Variants in RBMS3 observed in about 807,000 individuals in gnomAD.
RBMS3 encodes the protein RNA-binding motif, single-stranded-interacting protein 3.
RBMS3 carries 27 observed loss-of-function variants against 66.8 expected under a neutral mutation model. The ratio of observed to expected loss-of-function variants is 0.40; its 90% CI spans 0.30 to 0.56. The LOEUF (loss-of-function observed/expected upper bound fraction) is 0.56, where lower values mean the gene tolerates loss of function less well. Ranked by LOEUF, RBMS3 falls within the 20% of genes least tolerant of loss-of-function variation. RBMS3 has a pLI of 0.40. For missense variants in RBMS3, 513 were observed against 549.5 expected, an observed-to-expected ratio of 0.93 and a Z score of 0.66; for synonymous variants, 188 against 183.0, an observed-to-expected ratio of 1.03 and a Z score of -0.22.
intron 4 of RBMS3, among the ~76,000 whole-genome samples, chr3:29,626,270 C>A (rs2049057975): frequency 6.6e-6 from 1 of 152,094 alleles, no homozygotes. Flanking sequence ...ATTTGGCCTA[C>A]CCCATTCTTA....
At chr3:29,870,108 G>A (rs1186253312) in intron 7 of RBMS3, among the ~76,000 whole-genome samples, 4 of 152,206 alleles carry the variant, frequency 2.6e-5, no homozygotes, top group South Asian at 4.1e-4. Context: ...TCATCACTGA[G>A]CATCAAAAGC....
intron 3 of RBMS3, among the ~76,000 whole-genome samples, chr3:29,575,543 T>C (rs1435343091): frequency 6.6e-6 from 1 of 152,152 alleles, no homozygotes. Context: ...GGTACCCTTC[T>C]CTAGGTTTGG....
intron 2 of RBMS3, among the ~76,000 whole-genome samples, chr3:29,441,929 T>C (rs2041635941): frequency 6.6e-6 from 1 of 152,188 alleles, no homozygotes. Context: ...CCAGAAGTAT[T>C]AAAAATGAAT....
At chr3:29,543,955 G>A (rs2045858266) in intron 3 of RBMS3, among the ~76,000 whole-genome samples, 1 of 151,904 alleles carries the variant, frequency 6.6e-6, no homozygotes, top group African/African-American at 2.4e-5. Flanking sequence ...AAGGAGATTG[G>A]TATCAAATAA....
intron 3 of RBMS3, among the ~76,000 whole-genome samples, chr3:29,532,818 G>A (rs2045416569): frequency 6.6e-6 from 1 of 151,998 alleles, no homozygotes; most frequent in African/African-American, 2.4e-5. Context: ...CACTGTAATG[G>A]GAAGTAATGT....
At chr3:29,914,007 C>T (rs970237587) in intron 10 of RBMS3, among the ~76,000 whole-genome samples, 11 of 151,896 alleles carry the variant, frequency 7.2e-5, no homozygotes, top group Non-Finnish European at 2.9e-5. Context: ...TTGATGGATA[C>T]TACATACACA....
intron 1 of RBMS3, among the ~76,000 whole-genome samples, chr3:29,433,154 A>C (rs1247113674): frequency 6.6e-6 from 1 of 151,752 alleles, no homozygotes; most frequent in Non-Finnish European, 1.5e-5. Flanking sequence ...CACAAAGTAC[A>C]TTTTTTTCCC....
intron 4 of RBMS3, among the ~76,000 whole-genome samples, chr3:29,679,078 T>C (rs2149257660): frequency 6.6e-6 from 1 of 152,140 alleles, no homozygotes; most frequent in Middle Eastern, 3.4e-3. Context: ...ACCTGGGAGC[T>C]TGTCAGAAAT....
At position 29,507,839 on chromosome 3, in the gene RBMS3, G is replaced by A. The variant is rs550467624; in HGVS notation, c.307+19340G>A. Reference sequence around the variant, plus strand: ...GGAATTGTATAGAAGTGATTACAAGGGTTCTTGTGTGGTGAGGTATTGATT... The same window carrying A: ...GGAATTGTATAGAAGTGATTACAAGAGTTCTTGTGTGGTGAGGTATTGATT... On this transcript the variant is annotated intron_variant, in intron 3 of 14. Transcript: ENST00000383767. Among the ~76,000 whole-genome samples, 44 of 152,112 alleles carry A rather than the reference G, an allele frequency of 2.9e-4. 1 individual carries two copies. Among genetic ancestry groups the A allele is most frequent in the Middle Eastern group, 3.4e-3 (1 of 294 alleles).
intron 3 of RBMS3, among the ~76,000 whole-genome samples, chr3:29,501,287 T>C (rs753096452): frequency 1.5e-4 from 23 of 152,210 alleles, no homozygotes; most frequent in Admixed American, 5.2e-4. Context: ...ACTAAGTACA[T>C]TCCTTTATGG....
intron 4 of RBMS3, among the ~76,000 whole-genome samples, chr3:29,601,520 T>C (rs916684221): frequency 6.6e-6 from 1 of 151,178 alleles, no homozygotes; most frequent in Non-Finnish European, 1.5e-5. Flanking sequence ...CTCAGTATGA[T>C]GAAGTGATAT....
intron 4 of RBMS3, among the ~76,000 whole-genome samples, chr3:29,618,965 A>G (rs1318998262): frequency 6.6e-6 from 1 of 152,170 alleles, no homozygotes; most frequent in African/African-American, 2.4e-5. Context: ...AGAATTATTC[A>G]GAGAAAACAT....
intron 1 of RBMS3, among the ~76,000 whole-genome samples, chr3:29,361,335 G>C (rs1327159197): frequency 2.0e-5 from 3 of 150,910 alleles, no homozygotes; most frequent in African/African-American, 7.5e-5. Context: ...ATGAAATTCT[G>C]GGTTGAAAAT....
intron 6 of RBMS3, among the ~76,000 whole-genome samples, chr3:29,847,902 C>T (rs2058828672): frequency 6.6e-6 from 1 of 152,122 alleles, no homozygotes. Flanking sequence ...GTGATCCGCC[C>T]GCCTCGGCCT....
chr3:29,612,788 A>T (rs2048536379), intron 4 of RBMS3, among the ~76,000 whole-genome samples: 1 of 152,172 alleles, frequency 6.6e-6, no homozygotes, highest in African/African-American at 2.4e-5. Flanking sequence ...GTAGTCACAC[A>T]TCATAAACCA....
chr3:29,548,817 C>T (rs886508434), intron 3 of RBMS3, among the ~76,000 whole-genome samples: 5 of 151,704 alleles, frequency 3.3e-5, no homozygotes, highest in Admixed American at 6.6e-5. Flanking sequence ...ACTCTTAACC[C>T]AATATTTCTA....
chr3:29,915,428 G>T (rs2060614712), intron 10 of RBMS3, among the ~76,000 whole-genome samples: 1 of 151,812 alleles, frequency 6.6e-6, no homozygotes, highest in Non-Finnish European at 1.5e-5. Flanking sequence ...GTTTTCCTGT[G>T]GGGTTTTTCC....
At chr3:29,938,783 A>T (rs2061326501) in intron 11 of RBMS3, among the ~76,000 whole-genome samples, 1 of 151,914 alleles carries the variant, frequency 6.6e-6, no homozygotes, top group Non-Finnish European at 1.5e-5. Context: ...TTTGTTTTTA[A>T]ACTTGAGTTC....
rs1382270000 is a variant in RBMS3 at position 29,434,826 on chromosome 3, C to T, written c.159C>T (p.Ser53=). 2 of 1,614,022 alleles carry T rather than the reference C, an allele frequency of 1.2e-6. No individual in the cohort carries two copies. The highest frequency in any genetic ancestry group is 1.7e-6 in the Non-Finnish European group (2 of 1,180,036). ...GCAGCAACAACAGCAGCAACAACAG[C>T]AGCGGGGAACAGTTGAGTAAAACCA... ...NSSSNNSSNN[S]SGEQLSKTNL... Residue 53 remains serine (S), a synonymous_variant, in exon 2 of 15, where the codon AGC becomes AGT. Coordinates refer to ENST00000383767, the MANE Select transcript of RBMS3 (RefSeq NM_001003793.3).
Sources: gnomAD v4.1 joint callset for allele counts (sites outside exome capture counted in the v4.1 genomes callset) on GRCh38, gnomAD v4.1.1 for gene constraint, MANE v1.5 for transcripts, NCBI Gene and HGNC (gene_info 2026-07-23, HGNC 2026-07-21) for gene names.